Variants in NSG1 observed in about 807,000 individuals in gnomAD.
The protein encoded by NSG1 is neuronal vesicle trafficking-associated protein 1.
Under a neutral mutation model 19.3 loss-of-function variants are expected in NSG1, and 9 were observed. That is an observed-to-expected ratio of 0.47 (90% CI 0.28 to 0.81). The LOEUF is 0.81. NSG1 is among the 40% of genes least tolerant of loss of function. The pLI is 0.11. For synonymous variants in NSG1, 104 were observed against 107.0 expected, an observed-to-expected ratio of 0.97 and a Z score of 0.17; for missense variants, 236 against 242.4, an observed-to-expected ratio of 0.97 and a Z score of 0.18.
At chr4:4,402,588 GTT>G (rs1266181933) in intron 3 of NSG1, among the ~76,000 whole-genome samples, 1 of 151,044 alleles carries the variant, frequency 6.6e-6, no homozygotes, top group East Asian at 2.0e-4. Context: ...GGGTTTCACC[GTT>G]TTTTAGCCAG....
At chr4:4,402,532 C>T (rs988743111) in intron 3 of NSG1, among the ~76,000 whole-genome samples, 8 of 151,560 alleles carry the variant, frequency 5.3e-5, no homozygotes, top group African/African-American at 1.7e-4. Context: ...GGACTACAGG[C>T]GTCCGCCACT....
chr4:4,401,089 C>T (rs888777226), intron 3 of NSG1, among the ~76,000 whole-genome samples: 4 of 152,168 alleles, frequency 2.6e-5, no homozygotes, highest in Admixed American at 1.3e-4. Context: ...CTTGGGCCAC[C>T]GTGGGATGCA....
chr4:4,398,448 C>T (rs1005375762), intron 3 of NSG1, among the ~76,000 whole-genome samples: 1 of 152,050 alleles, frequency 6.6e-6, no homozygotes, highest in Non-Finnish European at 1.5e-5. Context: ...CTCCCATGCC[C>T]CCCCCCACAG....
At chr4:4,408,385 C>T (rs1216151525) in intron 3 of NSG1, among the ~76,000 whole-genome samples, 1 of 152,202 alleles carries the variant, frequency 6.6e-6, no homozygotes. Flanking sequence ...CATCCTCCCA[C>T]CCGGCCAGGG....
chr4:4,403,827 C>T (rs1577288722), intron 3 of NSG1, among the ~76,000 whole-genome samples: 1 of 152,182 alleles, frequency 6.6e-6, no homozygotes, highest in African/African-American at 2.4e-5. Flanking sequence ...CAGAAGGCGG[C>T]GGACGTCTCC....
intron 3 of NSG1, among the ~76,000 whole-genome samples, chr4:4,396,348 G>A (rs374319340): frequency 1.2e-4 from 19 of 152,266 alleles, no homozygotes; most frequent in East Asian, 3.9e-4. Context: ...TCGTGATTCC[G>A]GTGATGACCG....
Position 4,403,091 on chromosome 4 carries a change from T to TACTC in NSG1, c.247-6461_247-6458dup, listed in dbSNP as rs148906502. On this transcript the variant is annotated intron_variant, in intron 3 of 4. Transcript: ENST00000621129. The stretch of plus-strand genomic sequence containing the variant: ...TAGGAGATGGAGTATCTGCTGGTTG[T>TACTC]ACTCACTCACTCACTCACTCACTCG... Among the ~76,000 whole-genome samples, 408 of 152,298 alleles carry TACTC rather than the reference T, an allele frequency of 2.7e-3. 2 individuals are homozygous for TACTC. Among genetic ancestry groups the TACTC allele is most frequent in the Middle Eastern group, 0.01 (3 of 294 alleles).
chr4:4,392,068 G>A (rs1723021007), intron 3 of NSG1, among the ~76,000 whole-genome samples: 1 of 151,752 alleles, frequency 6.6e-6, no homozygotes, highest in African/African-American at 2.4e-5. Flanking sequence ...AGATGGAAAG[G>A]TTGAGGCACA....
intron 4 of NSG1, among the ~76,000 whole-genome samples, chr4:4,411,531 G>C (rs1301224351): frequency 6.6e-6 from 1 of 152,252 alleles, no homozygotes; most frequent in South Asian, 2.1e-4. Context: ...ATCACCTGAG[G>C]TCAGGAGTTC....
intron 4 of NSG1, among the ~76,000 whole-genome samples, chr4:4,413,875 C>T (rs1041091059): frequency 2.0e-5 from 3 of 151,784 alleles, no homozygotes; most frequent in Non-Finnish European, 4.4e-5. Flanking sequence ...GACTGGAGAA[C>T]TGATTTAATC....
intron 3 of NSG1, among the ~76,000 whole-genome samples, chr4:4,398,228 C>T (rs1247188255): frequency 6.6e-6 from 1 of 152,212 alleles, no homozygotes; most frequent in Non-Finnish European, 1.5e-5. Context: ...GCTGTGATTA[C>T]AGGTGTGAGC....
At chr4:4,397,411 A>G (rs1378782366) in intron 3 of NSG1, among the ~76,000 whole-genome samples, 1 of 152,196 alleles carries the variant, frequency 6.6e-6, no homozygotes, top group Non-Finnish European at 1.5e-5. Context: ...ACCCAAGGTC[A>G]CCCAGCTAAT....
At chr4:4,403,657 G>C (rs1723691970) in intron 3 of NSG1, among the ~76,000 whole-genome samples, 1 of 152,154 alleles carries the variant, frequency 6.6e-6, no homozygotes, top group Admixed American at 6.5e-5. Context: ...GTAGGACCTG[G>C]GTGTCTTTAG....
chr4:4,402,823 C>A (rs1723641018), intron 3 of NSG1, among the ~76,000 whole-genome samples: 1 of 152,240 alleles, frequency 6.6e-6, no homozygotes, highest in Non-Finnish European at 1.5e-5. Flanking sequence ...GCGCTTCTCC[C>A]AACCTAGAGA....
chr4:4,392,919 C>T (rs1255777555), intron 3 of NSG1, among the ~76,000 whole-genome samples: 2 of 152,078 alleles, frequency 1.3e-5, no homozygotes, highest in African/African-American at 2.4e-5. Context: ...GCTCCTGGCT[C>T]GGCCCATCGT....
intron 3 of NSG1, among the ~76,000 whole-genome samples, chr4:4,403,409 C>CA (rs1723675774): frequency 6.6e-6 from 1 of 152,200 alleles, no homozygotes; most frequent in African/African-American, 2.4e-5. Context: ...ACATGGGGCT[C>CA]ATGGTCCCGT....
At chr4:4,396,491 A>C (rs1247120454) in intron 3 of NSG1, among the ~76,000 whole-genome samples, 1 of 152,176 alleles carries the variant, frequency 6.6e-6, no homozygotes, top group Non-Finnish European at 1.5e-5. Context: ...TCGGCTTTGC[A>C]CGGGAACACC....
chr4:4,415,995 C>T (rs139450169), intron 4 of NSG1: 199 of 667,186 alleles, frequency 3.0e-4, no homozygotes, highest in African/African-American at 2.6e-3. Flanking sequence ...GAGATCAAGA[C>T]GCTGTTGATA....
chr4:4,391,619 C>A, intron 3 of NSG1, 28 bp downstream of exon 3: 2 of 1,470,606 alleles, frequency 1.4e-6, no homozygotes, highest in South Asian at 1.2e-5. Flanking sequence ...GGGTGAGATG[C>A]TGCTTTTGCC....
Sources: gnomAD v4.1 joint callset for allele counts (sites outside exome capture counted in the v4.1 genomes callset) on GRCh38, gnomAD v4.1.1 for gene constraint, MANE v1.5 for transcripts, NCBI Gene and HGNC (gene_info 2026-07-23, HGNC 2026-07-21) for gene names.